The following NAALADL2 variants were observed in gnomAD, a reference collection of about 807,000 sequenced individuals.
NAALADL2 encodes N-acetylated alpha-linked acidic dipeptidase like 2.
Under a neutral mutation model 87.2 loss-of-function variants are expected in NAALADL2, and 76 were observed. The observed-to-expected ratio is 0.87, with a 90% CI of 0.72 to 1.05. NAALADL2 has a LOEUF of 1.05. Ranked by LOEUF, NAALADL2 falls within the 50% of genes least tolerant of loss-of-function variation. The pLI is 0.00. For missense variants in NAALADL2, 1,089 were observed against 945.8 expected (o/e 1.15, Z -1.99); for synonymous variants, 354 against 331.0 (o/e 1.07, Z -0.75).
rs779567135 is a variant in NAALADL2 at position 175,241,855 on chromosome 3, A to ATTTTTTTTTTTTTTTTTTTTT, written c.819+7653_819+7673dup. On this transcript the variant is annotated intron_variant, in intron 3 of 13. Coordinates refer to ENST00000454872, the MANE Select transcript of NAALADL2 (RefSeq NM_207015.3). ...TAGTGAGAAAGTATCTGGATGCTGA[A>ATTTTTTTTTTTTTTTTTTTTT]TTTTTTTTTTTTTTTTTTTTTTCTT... Among the ~76,000 whole-genome samples the ATTTTTTTTTTTTTTTTTTTTT allele has an allele frequency of 6.0e-5, 5 of 83,818 alleles. 1 individual carries two copies. Among genetic ancestry groups the ATTTTTTTTTTTTTTTTTTTTT allele is most frequent in the African/African-American group, 1.4e-4 (3 of 21,548 alleles). 55.0% of individuals were successfully genotyped at this position (83,818 alleles called of 152,430 possible).
chr3:175,314,331 A>G (rs1397140837), intron 4 of NAALADL2, among the ~76,000 whole-genome samples: 2 of 151,486 alleles, frequency 1.3e-5, no homozygotes, highest in African/African-American at 4.8e-5. Context: ...TATTTTATTT[A>G]TAAAAATATG....
intron 1 of NAALADL2, among the ~76,000 whole-genome samples, chr3:174,935,084 T>C (rs1737489188): frequency 6.6e-6 from 1 of 152,186 alleles, no homozygotes; most frequent in African/African-American, 2.4e-5. Context: ...ATTTCAAAAG[T>C]TGAAAAGACT....
chr3:175,258,038 G>A (rs1750313532), intron 4 of NAALADL2, among the ~76,000 whole-genome samples: 1 of 152,138 alleles, frequency 6.6e-6, no homozygotes, highest in African/African-American at 2.4e-5. Flanking sequence ...GCCAGGCGCG[G>A]TGTCTCACAC....
chr3:175,306,176 A>C (rs142865450), intron 4 of NAALADL2, among the ~76,000 whole-genome samples: 1 of 152,206 alleles, frequency 6.6e-6, no homozygotes, highest in Non-Finnish European at 1.5e-5. Flanking sequence ...TTATGTGCCC[A>C]TCCAACATTA....
chr3:174,562,537 T>A (rs2861834), intron 2 of NAALADL2, among the ~76,000 whole-genome samples: 80,675 of 151,888 alleles, frequency 0.53, 23,006 homozygotes, highest in East Asian at 0.77. Flanking sequence ...TTTTAAATTT[T>A]TGTTTATATC....
intron 9 of NAALADL2, among the ~76,000 whole-genome samples, chr3:175,537,624 C>A (rs368069440): frequency 9.2e-5 from 14 of 152,110 alleles, no homozygotes; most frequent in African/African-American, 3.4e-4. Flanking sequence ...GTGAAAGTAA[C>A]ATACCTTAGA....
At chr3:175,484,947 G>A (rs1003693603) in intron 9 of NAALADL2, among the ~76,000 whole-genome samples, 1 of 152,156 alleles carries the variant, frequency 6.6e-6, no homozygotes, top group African/African-American at 2.4e-5. Flanking sequence ...ATAGCTGCCA[G>A]TTGCCTTAAT....
intron 1 of NAALADL2, among the ~76,000 whole-genome samples, chr3:174,991,471 A>ATT (rs56906242): frequency 6.6e-6 from 1 of 151,752 alleles, no homozygotes; most frequent in African/African-American, 2.4e-5. Context: ...GAGACATTTA[A>ATT]TTTTTTATTT....
At chr3:175,758,182 G>A (rs1747520707) in intron 13 of NAALADL2, among the ~76,000 whole-genome samples, 1 of 151,910 alleles carries the variant, frequency 6.6e-6, no homozygotes, top group African/African-American at 2.4e-5. Context: ...TTTTATTCAT[G>A]CTAGTAATGT....
intron 3 of NAALADL2, among the ~76,000 whole-genome samples, chr3:174,852,109 A>G (rs927804872): frequency 1.3e-5 from 2 of 152,144 alleles, no homozygotes; most frequent in Non-Finnish European, 2.9e-5. Context: ...AACCACAGCT[A>G]GTATTATGCT....
chr3:175,542,381 G>A (rs1712509393), intron 9 of NAALADL2, among the ~76,000 whole-genome samples: 1 of 152,144 alleles, frequency 6.6e-6, no homozygotes, highest in Non-Finnish European at 1.5e-5. Flanking sequence ...ATATGTATCT[G>A]TTTCCTGGCA....
intron 5 of NAALADL2, among the ~76,000 whole-genome samples, chr3:175,421,503 G>T (rs975502270): frequency 2.0e-5 from 3 of 152,008 alleles, no homozygotes; most frequent in African/African-American, 7.2e-5. Flanking sequence ...TATAATGTGA[G>T]AATATAATGT....
At chr3:175,453,806 G>A (rs1160170298) in intron 6 of NAALADL2, among the ~76,000 whole-genome samples, 2 of 151,894 alleles carry the variant, frequency 1.3e-5, no homozygotes, top group African/African-American at 4.8e-5. Flanking sequence ...CAAATATTCT[G>A]TATATTATTC....
At chr3:175,263,110 A>C (rs890436345) in intron 4 of NAALADL2, among the ~76,000 whole-genome samples, 4 of 151,952 alleles carry the variant, frequency 2.6e-5, no homozygotes, top group African/African-American at 9.7e-5. Context: ...AAAATTGGAA[A>C]GTAATAGTTT....
At chr3:175,251,066 T>C (rs967197682) in intron 3 of NAALADL2, among the ~76,000 whole-genome samples, 1 of 152,204 alleles carries the variant, frequency 6.6e-6, no homozygotes, top group Non-Finnish European at 1.5e-5. Context: ...GTTTTTATTT[T>C]AAAATGTTTG....
chr3:174,905,258 T>G (rs1027638689), intron 1 of NAALADL2, among the ~76,000 whole-genome samples: 3 of 151,918 alleles, frequency 2.0e-5, no homozygotes, highest in African/African-American at 7.3e-5. Flanking sequence ...ATCATTTAAC[T>G]TAGTATTTAA....
At chr3:175,371,403 G>A (rs940251701) in intron 5 of NAALADL2, among the ~76,000 whole-genome samples, 1 of 152,040 alleles carries the variant, frequency 6.6e-6, no homozygotes, top group Non-Finnish European at 1.5e-5. Flanking sequence ...GAGTAGCTGG[G>A]ATTACAGGCG....
chr3:175,364,296 A>G lies in NAALADL2; in HGVS notation c.1090+39971A>G, dbSNP rs967965554. Among the ~76,000 whole-genome samples, 23 of 147,910 alleles carry G rather than the reference A, an allele frequency of 1.6e-4. 1 individual carries two copies. Among genetic ancestry groups the G allele is most frequent in the African/African-American group, 5.4e-4 (22 of 40,692 alleles). On this transcript the variant is annotated intron_variant, in intron 5 of 13. Transcript: ENST00000454872. The stretch of plus-strand genomic sequence containing the variant: ...TTTTTCCTCTGCGTAAAACAAAACC[A>G]AAAGAACAGTTCCACTTTAAGACCA...
intron 9 of NAALADL2, among the ~76,000 whole-genome samples, chr3:175,535,117 C>T (rs529924487): frequency 3.9e-5 from 6 of 152,108 alleles, no homozygotes; most frequent in South Asian, 4.2e-4. Context: ...CTCAGTCATA[C>T]GGCTGCTATG....
Sources: allele counts gnomAD v4.1 joint callset (sites outside exome capture counted in the v4.1 genomes callset), GRCh38; gene constraint gnomAD v4.1.1; transcripts MANE v1.5; gene names NCBI Gene and HGNC (gene_info 2026-07-23, HGNC 2026-07-21).